Variants in SBF2 observed in about 807,000 individuals in gnomAD.
The protein encoded by SBF2 is myotubularin-related protein 13.
Under a neutral mutation model 225.2 loss-of-function variants are expected in SBF2, and 112 were observed. The observed-to-expected ratio is 0.50, with a 90% CI of 0.43 to 0.58. SBF2 has a LOEUF of 0.58. Ranked by LOEUF, SBF2 falls within the 20% of genes least tolerant of loss-of-function variation. SBF2 has a pLI of 0.00. For synonymous variants in SBF2, 763 were observed against 773.3 expected, an observed-to-expected ratio of 0.99 and a Z score of 0.22; for missense variants, 1,996 against 2,206.2, an observed-to-expected ratio of 0.90 and a Z score of 1.91.
At chr11:10,156,073 C>CGGAAGCCCA (rs748886920) in intron 2 of SBF2, among the ~76,000 whole-genome samples, 10 of 152,206 alleles carry the variant, frequency 6.6e-5, no homozygotes, top group Admixed American at 1.3e-4. Context: ...CCTGCACTCT[C>CGGAAGCCCA]GGAAGCCCAG....
intron 16 of SBF2, among the ~76,000 whole-genome samples, chr11:9,948,254 C>G (rs1449229783): frequency 6.6e-6 from 1 of 151,796 alleles, no homozygotes; most frequent in Non-Finnish European, 1.5e-5. Context: ...TTGCCAGGAG[C>G]TGGGGGCAGG....
intron 1 of SBF2, among the ~76,000 whole-genome samples, chr11:10,281,581 T>G (rs1271237890): frequency 6.6e-6 from 1 of 152,176 alleles, no homozygotes; most frequent in Non-Finnish European, 1.5e-5. Flanking sequence ...CAAACCCTTC[T>G]GTGGTTCCTT....
chr11:10,173,203 G>A lies in SBF2; in HGVS notation c.141+20699C>T, dbSNP rs1956285586. Among the ~76,000 whole-genome samples the A allele has an allele frequency of 2.0e-5, 3 of 152,346 alleles. No individual in the cohort carries two copies. The South Asian group carries it at 6.2e-4, about 32-fold the overall frequency. On this transcript the variant is annotated intron_variant, in intron 2 of 39. Coordinates refer to ENST00000256190, the MANE Select transcript of SBF2 (RefSeq NM_030962.4). ...AGCTCTGGTCTACAGCTCCCAGCGT[G>A]AGCGACGCAGAAGACGGGTGATTTC...
intron 1 of SBF2, among the ~76,000 whole-genome samples, chr11:10,252,995 C>A (rs1960517654): frequency 6.6e-6 from 1 of 151,878 alleles, no homozygotes; most frequent in South Asian, 2.1e-4. Flanking sequence ...ATTCTGGGAT[C>A]TGCCCAGTTA....
At chr11:9,968,665 C>G in intron 13 of SBF2, 120 bp from the exon 14 acceptor site, 2 of 810,806 alleles carry the variant, frequency 2.5e-6, no homozygotes, top group Non-Finnish European at 4.4e-6. Flanking sequence ...TTCATATATA[C>G]GCCATAAAAC....
intron 2 of SBF2, among the ~76,000 whole-genome samples, chr11:10,077,848 G>A (rs953941631): frequency 1.3e-5 from 2 of 152,122 alleles, no homozygotes; most frequent in Non-Finnish European, 2.9e-5. Flanking sequence ...GAGTGAACAG[G>A]CAACCTACAG....
Position 10,178,428 on chromosome 11 carries a change from T to G in SBF2, c.141+15474A>C, listed in dbSNP as rs1316428298. On this transcript the variant is annotated intron_variant, in intron 2 of 39. Coordinates refer to ENST00000256190, the MANE Select transcript of SBF2 (RefSeq NM_030962.4). ...GGCAACCTACAAAATGGGAGAAAATTTTCACAACCTACTCATCTGACAAAG... is the reference window on the plus strand; with the variant it reads ...GGCAACCTACAAAATGGGAGAAAATGTTCACAACCTACTCATCTGACAAAG... 5.5e-3 allele frequency among the ~76,000 whole-genome samples: 759 copies of G among 136,776 alleles called. 8 individuals carry two copies. Among genetic ancestry groups the G allele is most frequent in the African/African-American group, 0.017 (603 of 34,788 alleles). The allele number at this position is 136,776 out of a possible 152,430, so 89.7% of individuals were successfully genotyped here. A position where few individuals can be genotyped will look rare whatever the true frequency, so the allele number is the denominator to read the frequency against.
At chr11:9,900,657 G>A (rs903339984) in intron 16 of SBF2, among the ~76,000 whole-genome samples, 2 of 152,148 alleles carry the variant, frequency 1.3e-5, no homozygotes, top group African/African-American at 2.4e-5. Context: ...TTGCCTTGCT[G>A]AGAAAAAGAC....
chr11:10,077,948 A>G (rs943776608), intron 2 of SBF2, among the ~76,000 whole-genome samples: 8 of 151,742 alleles, frequency 5.3e-5, no homozygotes, highest in South Asian at 2.1e-4. Context: ...CAAGAAAAAA[A>G]CAAACAACCT....
At chr11:9,971,763 A>G (rs1946469353) in intron 13 of SBF2, among the ~76,000 whole-genome samples, 1 of 152,196 alleles carries the variant, frequency 6.6e-6, no homozygotes. Context: ...ATAATTTGGT[A>G]AGTTCATCCT....
intron 1 of SBF2, chr11:10,272,243 C>T: frequency 8.7e-7 from 1 of 1,147,442 alleles, no homozygotes; most frequent in Non-Finnish European, 1.2e-6. Context: ...GGCGCTCGCG[C>T]TAGCCCCGGA....
At chr11:10,050,535 T>C (rs954264138) in intron 2 of SBF2, among the ~76,000 whole-genome samples, 7 of 152,142 alleles carry the variant, frequency 4.6e-5, no homozygotes, top group African/African-American at 1.4e-4. Flanking sequence ...AATATAACAA[T>C]TATGATATTA....
chr11:9,945,036 T>C (rs1312743739), intron 16 of SBF2, among the ~76,000 whole-genome samples: 1 of 152,060 alleles, frequency 6.6e-6, no homozygotes, highest in Non-Finnish European at 1.5e-5. Flanking sequence ...GCCCAGGAGG[T>C]TGAGGATGCA....
chr11:9,913,858 GGTT>G (rs1338678275), intron 16 of SBF2, among the ~76,000 whole-genome samples: 2 of 152,102 alleles, frequency 1.3e-5, no homozygotes, highest in Non-Finnish European at 2.9e-5. Flanking sequence ...AGCTCCTTTT[GGTT>G]GTTGTTGTTG....
At chr11:9,959,786 T>C (rs754819358) in intron 16 of SBF2, 8 of 626,650 alleles carry the variant, frequency 1.3e-5, no homozygotes, top group African/African-American at 1.1e-4. Context: ...GAGATGGTCA[T>C]GGTGGAAGGT....
At chr11:9,812,491 T>A in intron 30 of SBF2, 41 bp downstream of exon 30, 1 of 1,609,658 alleles carries the variant, frequency 6.2e-7, no homozygotes, top group Non-Finnish European at 8.5e-7. Flanking sequence ...TGGGCCTCTG[T>A]TTCTTTGAGT....
At chr11:10,180,283 C>G (rs539711305) in intron 2 of SBF2, among the ~76,000 whole-genome samples, 41 of 152,142 alleles carry the variant, frequency 2.7e-4, no homozygotes, top group African/African-American at 9.1e-4. Flanking sequence ...GATGAAATCC[C>G]TCTACTTTTG....
At chr11:10,084,705 G>A (rs1342040735) in intron 2 of SBF2, among the ~76,000 whole-genome samples, 1 of 152,146 alleles carries the variant, frequency 6.6e-6, no homozygotes, top group Non-Finnish European at 1.5e-5. Context: ...ACGGATGACT[G>A]GATAAAGAAA....
intron 35 of SBF2, among the ~76,000 whole-genome samples, chr11:9,788,672 G>A (rs1156540792): frequency 6.8e-6 from 1 of 148,144 alleles, no homozygotes; most frequent in East Asian, 2.0e-4. Flanking sequence ...TCTGCTCCCT[G>A]CAAGCTCCGC....
Sources: gnomAD v4.1 joint callset for allele counts (sites outside exome capture counted in the v4.1 genomes callset) on GRCh38, gnomAD v4.1.1 for gene constraint, MANE v1.5 for transcripts, NCBI Gene and HGNC (gene_info 2026-07-23, HGNC 2026-07-21) for gene names.